The following SYN3 variants were observed in gnomAD, a reference collection of about 807,000 sequenced individuals.
SYN3 encodes synapsin-3.
Under a neutral mutation model 65.8 loss-of-function variants are expected in SYN3, and 35 were observed. That is an observed-to-expected ratio of 0.53 (90% CI 0.41 to 0.70). The LOEUF is 0.70. Among genes scored for constraint, SYN3 ranks in the 30% least tolerant of loss-of-function variants. SYN3 has a pLI of 0.00. For missense variants in SYN3, 680 were observed against 749.0 expected (o/e 0.91, Z 1.08); for synonymous variants, 270 against 292.9 (o/e 0.92, Z 0.80).
At chr22:32,703,165 T>C (rs1003009562) in intron 6 of SYN3, among the ~76,000 whole-genome samples, 4 of 152,248 alleles carry the variant, frequency 2.6e-5, no homozygotes, top group Non-Finnish European at 5.9e-5. Flanking sequence ...ATGTGATTTA[T>C]ACAGAATTTA....
intron 1 of SYN3, among the ~76,000 whole-genome samples, chr22:33,012,361 T>C (rs1020171491): frequency 6.6e-6 from 1 of 152,262 alleles, no homozygotes; most frequent in African/African-American, 2.4e-5. Flanking sequence ...TTGTGATTCT[T>C]GAACACAGTC....
chr22:32,662,653 A>G (rs1468606429), intron 6 of SYN3, among the ~76,000 whole-genome samples: 4 of 152,250 alleles, frequency 2.6e-5, no homozygotes, highest in Non-Finnish European at 5.9e-5. Flanking sequence ...TGTCATTAAG[A>G]GGAAATGAGT....
At chr22:32,909,205 C>A (rs1338894738) in intron 4 of SYN3, among the ~76,000 whole-genome samples, 1 of 152,192 alleles carries the variant, frequency 6.6e-6, no homozygotes, top group Non-Finnish European at 1.5e-5. Context: ...GGTTCATACT[C>A]CACCTCTGTT....
At chr22:32,806,794 ATCTATCTC>A (rs949145864) in intron 6 of SYN3, among the ~76,000 whole-genome samples, 5 of 152,022 alleles carry the variant, frequency 3.3e-5, no homozygotes, top group East Asian at 1.9e-4. Flanking sequence ...TCATCTATCT[ATCTATCTC>A]TCTATCTAAA....
At chr22:32,907,936 C>T (rs1434859735) in intron 4 of SYN3, among the ~76,000 whole-genome samples, 2 of 152,144 alleles carry the variant, frequency 1.3e-5, no homozygotes, top group Non-Finnish European at 1.5e-5. Context: ...TTGCAACCTC[C>T]CTATAAGGGA....
intron 1 of SYN3, among the ~76,000 whole-genome samples, chr22:33,027,655 GAAA>G (rs2053661819): frequency 4.0e-5 from 6 of 150,956 alleles, no homozygotes; most frequent in East Asian, 1.9e-4. Flanking sequence ...GAGAGAGAAA[GAAA>G]AGAAAGAAAA....
intron 6 of SYN3, among the ~76,000 whole-genome samples, chr22:32,661,134 C>A (rs2060210554): frequency 6.6e-6 from 1 of 152,242 alleles, no homozygotes; most frequent in Non-Finnish European, 1.5e-5. Flanking sequence ...ATTTTTACAT[C>A]ATTTTCTTCT....
intron 1 of SYN3, among the ~76,000 whole-genome samples, chr22:33,045,447 T>TGG (rs1272031131): frequency 2.8e-5 from 4 of 144,084 alleles, no homozygotes; most frequent in African/African-American, 1.0e-4. Flanking sequence ...ATCAACCAGG[T>TGG]GGCTCTACTT....
chr22:32,978,277 G>A (rs2052266695), intron 3 of SYN3, among the ~76,000 whole-genome samples: 1 of 152,102 alleles, frequency 6.6e-6, no homozygotes, highest in South Asian at 2.1e-4. Context: ...GGAGTCAGCA[G>A]GGTCCAGTCA....
At chr22:32,611,273 GTTTTTTTTTTGTTTT>G (rs1346873197) in intron 6 of SYN3, among the ~76,000 whole-genome samples, 1 of 117,370 alleles carries the variant, frequency 8.5e-6, no homozygotes, top group Non-Finnish European at 1.7e-5. Context: ...TTCAGCTAGA[GTTTTTTTTTTGTTTT>G]TTTTTTTTTT....
chr22:32,700,872 C>T (rs866579511), intron 6 of SYN3, among the ~76,000 whole-genome samples: 20 of 152,336 alleles, frequency 1.3e-4, no homozygotes, highest in Middle Eastern at 3.4e-3. Context: ...CATGGTTTTT[C>T]ACCCCAAATT....
At chr22:32,637,641 T>C (rs1489701261) in intron 6 of SYN3, among the ~76,000 whole-genome samples, 16 of 137,862 alleles carry the variant, frequency 1.2e-4, no homozygotes, top group Admixed American at 5.7e-4. Context: ...TTTTTTTTTT[T>C]TTTTTTTTTT....
At chr22:32,604,867 G>A (rs2858741) in intron 6 of SYN3, among the ~76,000 whole-genome samples, 107,752 of 151,666 alleles carry the variant, frequency 0.71, 39,088 homozygotes, top group African/African-American at 0.86. Flanking sequence ...TTAGCCGGGC[G>A]TGGTGGCGGG....
chr22:32,801,893 G>C lies in SYN3; in HGVS notation c.711+63022C>G. The C allele has an allele frequency of 7.4e-7, 1 of 1,352,390 alleles. No homozygotes were observed. Among genetic ancestry groups the C allele is most frequent in the Non-Finnish European group, 9.5e-7 (1 of 1,056,832 alleles). 83.8% of individuals were successfully genotyped at this position (1,352,390 alleles called of 1,614,324 possible). The stretch of plus-strand genomic sequence containing the variant: ...GCGCGCCGGAGGCCAAGGTTGCCCC[G>C]CACGGCCCGGCGGGCGAGCGAGCTC... On this transcript the variant is annotated intron_variant, in intron 6 of 13. Transcript: ENST00000358763. This position sits in a 1 kb window ranked among gnomAD's most constrained non-coding sequence, Gnocchi z 4.7.
At chr22:32,657,058 C>A (rs2060150968) in intron 6 of SYN3, among the ~76,000 whole-genome samples, 2 of 152,170 alleles carry the variant, frequency 1.3e-5, no homozygotes, top group African/African-American at 4.8e-5. Context: ...CCCTCCCTAC[C>A]TACTCAGCAT....
At chr22:32,589,400 T>A (rs562482803) in intron 7 of SYN3, among the ~76,000 whole-genome samples, 1 of 152,310 alleles carries the variant, frequency 6.6e-6, no homozygotes, top group South Asian at 2.1e-4. Flanking sequence ...AATGAGAAGC[T>A]GAAGGAAGTT....
In SYN3 at chr22:32,868,964, A is replaced by G; in HGVS notation, c.621+2T>C. ...TCCAGGTCAGCCTGCCCTGTCACCT[A>G]CCACCCAGGGCTTGCTGCAGAAGTT... On this transcript the variant is annotated splice_donor_variant, in intron 5 of 13. Coordinates refer to ENST00000358763, the MANE Select transcript of SYN3 (RefSeq NM_003490.4). LOFTEE classifies it high-confidence loss of function. The G allele has an allele frequency of 6.2e-7, 1 of 1,613,060 alleles. No homozygotes were observed. The highest frequency in any genetic ancestry group is 8.5e-7 in the Non-Finnish European group (1 of 1,179,438).
chr22:32,640,480 G>A (rs753058339), intron 6 of SYN3, among the ~76,000 whole-genome samples: 1 of 152,158 alleles, frequency 6.6e-6, no homozygotes, highest in African/African-American at 2.4e-5. Context: ...GAGAACTAGG[G>A]GTTCCACTAA....
intron 6 of SYN3, among the ~76,000 whole-genome samples, chr22:32,763,679 G>A (rs897405194): frequency 2.0e-5 from 3 of 152,154 alleles, no homozygotes; most frequent in Admixed American, 2.0e-4. Context: ...GTGACTGGGA[G>A]TCTGACAGGT....
Sources: allele counts gnomAD v4.1 joint callset (sites outside exome capture counted in the v4.1 genomes callset), GRCh38; gene constraint gnomAD v4.1.1; non-coding constraint Gnocchi (gnomAD v3.1); transcripts MANE v1.5; gene names NCBI Gene and HGNC (gene_info 2026-07-23, HGNC 2026-07-21).